Variants in DCLK1 observed in about 807,000 individuals in gnomAD.
DCLK1 encodes doublecortin like kinase 1.
In DCLK1, 16 loss-of-function variants were observed where a neutral mutation model predicts 86.2. That is an observed-to-expected ratio of 0.19 (90% CI 0.13 to 0.28). The LOEUF is 0.28. DCLK1 is among the 10% of genes least tolerant of loss of function. DCLK1 has a pLI of 1.00. For synonymous variants in DCLK1, 369 were observed against 370.5 expected, an observed-to-expected ratio of 1.00 and a Z score of 0.05; for missense variants, 590 against 940.2, an observed-to-expected ratio of 0.63 and a Z score of 4.87.
chr13:36,004,873 T>C (rs1310673153), intron 3 of DCLK1, among the ~76,000 whole-genome samples: 3 of 152,210 alleles, frequency 2.0e-5, no homozygotes, highest in Non-Finnish European at 2.9e-5. Context: ...CCACCGCACC[T>C]GGCCTGTTCA....
At chr13:35,843,319 A>T (rs191888252) in intron 6 of DCLK1, among the ~76,000 whole-genome samples, 1 of 152,276 alleles carries the variant, frequency 6.6e-6, no homozygotes, top group Admixed American at 6.5e-5. Context: ...AAGCAGATTT[A>T]ATGGGAACCA....
chr13:35,810,038 T>C (rs1337368401), intron 12 of DCLK1, among the ~76,000 whole-genome samples: 1 of 152,174 alleles, frequency 6.6e-6, no homozygotes, highest in African/African-American at 2.4e-5. Context: ...TTCCTTCTGC[T>C]TAAGGATGGC....
chr13:35,952,456 ATGC>A (rs1877746140), intron 3 of DCLK1, among the ~76,000 whole-genome samples: 1 of 152,214 alleles, frequency 6.6e-6, no homozygotes, highest in South Asian at 2.1e-4. Flanking sequence ...CCACAGAATG[ATGC>A]TGCGAAAAGT....
intron 4 of DCLK1, among the ~76,000 whole-genome samples, chr13:35,890,594 A>T (rs961854606): frequency 1.3e-5 from 2 of 152,184 alleles, no homozygotes; most frequent in Non-Finnish European, 1.5e-5. Context: ...ATTTCTAGAG[A>T]CAGAGTTGCT....
chr13:36,047,375 T>C (rs9575177), intron 3 of DCLK1, among the ~76,000 whole-genome samples: 99,454 of 152,032 alleles, frequency 0.65, 32,960 homozygotes, highest in East Asian at 0.99. Flanking sequence ...ATCTGCACTT[T>C]CATGTTCACT....
intron 3 of DCLK1, among the ~76,000 whole-genome samples, chr13:36,042,444 T>C (rs1334887207): frequency 6.6e-6 from 1 of 152,172 alleles, no homozygotes; most frequent in Non-Finnish European, 1.5e-5. Flanking sequence ...CAATGAAACA[T>C]TCTCCACCTC....
At chr13:35,920,786 C>T (rs902177415) in intron 4 of DCLK1, among the ~76,000 whole-genome samples, 1 of 152,060 alleles carries the variant, frequency 6.6e-6, no homozygotes, top group African/African-American at 2.4e-5. Flanking sequence ...AGCAGCATCC[C>T]CCATACATAC....
chr13:36,070,715 C>G (rs1566668780), intron 3 of DCLK1, among the ~76,000 whole-genome samples: 1 of 151,964 alleles, frequency 6.6e-6, no homozygotes, highest in Non-Finnish European at 1.5e-5. Context: ...AATCTCGGCT[C>G]ACTGCAACCT....
chr13:35,791,225 T>C (rs2086702724), intron 16 of DCLK1, among the ~76,000 whole-genome samples: 1 of 151,976 alleles, frequency 6.6e-6, no homozygotes, highest in Non-Finnish European at 1.5e-5. Flanking sequence ...TAAGATACAG[T>C]TTTCTGAAAC....
chr13:35,988,633 T>G (rs1039499272), intron 3 of DCLK1, among the ~76,000 whole-genome samples: 2 of 152,242 alleles, frequency 1.3e-5, no homozygotes, highest in African/African-American at 4.8e-5. Flanking sequence ...CTGTATTCAT[T>G]CTGTCTCAAT....
At chr13:35,910,240 G>A (rs1396755515) in intron 4 of DCLK1, among the ~76,000 whole-genome samples, 1 of 152,172 alleles carries the variant, frequency 6.6e-6, no homozygotes, top group African/African-American at 2.4e-5. Flanking sequence ...TGCACGAACA[G>A]TCAACACAAT....
intron 3 of DCLK1, among the ~76,000 whole-genome samples, chr13:36,014,709 C>A (rs182835530): frequency 6.6e-6 from 1 of 152,086 alleles, no homozygotes; most frequent in Admixed American, 6.5e-5. Context: ...ATTAGTCTTA[C>A]AATAAGAACA....
intron 3 of DCLK1, among the ~76,000 whole-genome samples, chr13:36,084,726 A>G (rs1884535360): frequency 6.6e-6 from 1 of 152,214 alleles, no homozygotes; most frequent in African/African-American, 2.4e-5. Context: ...CATTAAGAGA[A>G]ACAGACAAAA....
chr13:36,109,342 TGAC>T (rs915216694), intron 3 of DCLK1, among the ~76,000 whole-genome samples: 4 of 152,220 alleles, frequency 2.6e-5, no homozygotes, highest in African/African-American at 9.6e-5. Flanking sequence ...ATTACTCCCT[TGAC>T]AATTCTTTCT....
At chr13:35,913,825 TA>T (rs943551467) in intron 4 of DCLK1, among the ~76,000 whole-genome samples, 44 of 152,026 alleles carry the variant, frequency 2.9e-4, no homozygotes, top group South Asian at 8.3e-4. Flanking sequence ...GCATAATATA[TA>T]AAAAAAATTC....
chr13:35,938,923 C>T (rs1486250720), intron 4 of DCLK1, among the ~76,000 whole-genome samples: 2 of 152,112 alleles, frequency 1.3e-5, no homozygotes, highest in Non-Finnish European at 2.9e-5. Flanking sequence ...GAAAAGATTG[C>T]AGATGTTATA....
chr13:36,048,244 G>C (rs1037009956), intron 3 of DCLK1, among the ~76,000 whole-genome samples: 1 of 152,034 alleles, frequency 6.6e-6, no homozygotes, highest in Non-Finnish European at 1.5e-5. Context: ...CCTTTCACTA[G>C]GGACAAAGCA....
At chr13:35,886,007 C>CTTTTTT (rs10589320) in intron 4 of DCLK1, among the ~76,000 whole-genome samples, 2 of 130,712 alleles carry the variant, frequency 1.5e-5, no homozygotes, top group African/African-American at 6.0e-5. Flanking sequence ...GAATAGGTTC[C>CTTTTTT]TTTTTTTTTT....
intron 4 of DCLK1, among the ~76,000 whole-genome samples, chr13:35,880,370 T>C (rs1400981636): frequency 6.6e-6 from 1 of 152,204 alleles, no homozygotes; most frequent in African/African-American, 2.4e-5. Context: ...GCCACAAGCA[T>C]GGCCCGTGAT....
Sources: allele counts gnomAD v4.1 joint callset (sites outside exome capture counted in the v4.1 genomes callset), GRCh38; gene constraint gnomAD v4.1.1; transcripts MANE v1.5; gene names NCBI Gene and HGNC (gene_info 2026-07-23, HGNC 2026-07-21).